The following ARHGEF26 variants were observed in gnomAD, a reference collection of about 807,000 sequenced individuals.
ARHGEF26 encodes the protein Rho guanine nucleotide exchange factor (GEF) 26.
ARHGEF26 carries 59 observed loss-of-function variants against 89.4 expected under a neutral mutation model. The observed-to-expected ratio is 0.66, with a 90% CI of 0.54 to 0.82. ARHGEF26 has a LOEUF of 0.82. Among genes scored for constraint, ARHGEF26 ranks in the 40% least tolerant of loss-of-function variants. The pLI is 0.00. For synonymous variants in ARHGEF26, 500 were observed against 428.4 expected, an observed-to-expected ratio of 1.17 and a Z score of -2.06; for missense variants, 1,234 against 1,085.6, an observed-to-expected ratio of 1.14 and a Z score of -1.92.
chr3:154,231,003 A>G (rs1316562299), intron 11 of ARHGEF26, among the ~76,000 whole-genome samples: 1 of 152,168 alleles, frequency 6.6e-6, no homozygotes, highest in Non-Finnish European at 1.5e-5. Flanking sequence ...TTCCTATTAT[A>G]GAAAGCTGAA....
chr3:154,177,152 T>C (rs1395054095), intron 6 of ARHGEF26, among the ~76,000 whole-genome samples: 6 of 152,192 alleles, frequency 3.9e-5, no homozygotes, highest in Non-Finnish European at 8.8e-5. Flanking sequence ...GATTTAAGAA[T>C]ATACATGCTA....
chr3:154,185,102 G>A (rs1247137851), intron 6 of ARHGEF26, among the ~76,000 whole-genome samples: 2 of 152,094 alleles, frequency 1.3e-5, no homozygotes, highest in Admixed American at 1.3e-4. Flanking sequence ...CTGCCCTCTG[G>A]AGTTTTCTTT....
chr3:154,191,522 T>G (rs1559888588), intron 8 of ARHGEF26, 104 bp downstream of exon 8: 2 of 1,357,934 alleles, frequency 1.5e-6, no homozygotes, highest in Non-Finnish European at 2.0e-6. Context: ...TATTTAAAGG[T>G]CTAAAAATCC....
intron 3 of ARHGEF26, among the ~76,000 whole-genome samples, chr3:154,128,804 C>A (rs1560040378): frequency 6.6e-6 from 1 of 152,156 alleles, no homozygotes; most frequent in Non-Finnish European, 1.5e-5. Flanking sequence ...CCAGTGAGGC[C>A]TTCCTAAACT....
chr3:154,162,115 T>C (rs1711702428), intron 6 of ARHGEF26, among the ~76,000 whole-genome samples: 1 of 152,176 alleles, frequency 6.6e-6, no homozygotes, highest in South Asian at 2.1e-4. Flanking sequence ...AAAGAAACAA[T>C]GACTGGGGTT....
At chr3:154,141,786 G>A (rs1036421869) in intron 4 of ARHGEF26, among the ~76,000 whole-genome samples, 2 of 152,090 alleles carry the variant, frequency 1.3e-5, no homozygotes, top group South Asian at 2.1e-4. Flanking sequence ...GTGTACTATA[G>A]TATTTTTAAT....
chr3:154,225,740 A>G (rs905304859), intron 10 of ARHGEF26, 116 bp from the exon 11 acceptor site: 65 of 1,117,004 alleles, frequency 5.8e-5, no homozygotes, highest in South Asian at 3.3e-4. Flanking sequence ...CTATAAAACA[A>G]TGATGCATAC....
chr3:154,214,908 A>G (rs1465430309), intron 9 of ARHGEF26, among the ~76,000 whole-genome samples: 3 of 152,232 alleles, frequency 2.0e-5, no homozygotes, highest in African/African-American at 7.2e-5. Flanking sequence ...AGCTAAAGAT[A>G]TGCTGTCATT....
At chr3:154,190,501 C>G (rs1477360766) in intron 7 of ARHGEF26, among the ~76,000 whole-genome samples, 1 of 152,054 alleles carries the variant, frequency 6.6e-6, no homozygotes. Context: ...GAGCAAGACT[C>G]CATCTCAAAA....
intron 10 of ARHGEF26, among the ~76,000 whole-genome samples, chr3:154,225,482 A>G (rs1263657111): frequency 6.6e-6 from 1 of 152,150 alleles, no homozygotes; most frequent in Non-Finnish European, 1.5e-5. Flanking sequence ...GATATTTAAA[A>G]TAACTAGTTG....
chr3:154,222,292 T>C (rs578059390), intron 10 of ARHGEF26, among the ~76,000 whole-genome samples: 9 of 152,214 alleles, frequency 5.9e-5, no homozygotes, highest in Non-Finnish European at 1.2e-4. Flanking sequence ...TTAATTTTGC[T>C]TATGATTTTC....
intron 11 of ARHGEF26, among the ~76,000 whole-genome samples, chr3:154,239,289 AGAGAGAGAGAGTGTGTGTGT>A (rs754900999): frequency 0.01 from 1,071 of 103,522 alleles, 5 homozygotes; most frequent in Non-Finnish European, 0.014. Flanking sequence ...AGAGAGAGAG[AGAGAGAGAGAGTGTGTGTGT>A]GTGTGTGTGT....
chr3:154,249,434 A>C (rs578129934), intron 12 of ARHGEF26, among the ~76,000 whole-genome samples: 1 of 152,254 alleles, frequency 6.6e-6, no homozygotes, highest in African/African-American at 2.4e-5. Context: ...CATGCCATGC[A>C]TGGAGAACTT....
At chr3:154,246,620 T>C (rs1026609450) in intron 12 of ARHGEF26, among the ~76,000 whole-genome samples, 1 of 152,184 alleles carries the variant, frequency 6.6e-6, no homozygotes, top group Non-Finnish European at 1.5e-5. Flanking sequence ...ACATAAGCCA[T>C]AGCAGGAAGT....
intron 9 of ARHGEF26, among the ~76,000 whole-genome samples, chr3:154,204,751 A>C (rs148131847): frequency 0.011 from 1,685 of 152,172 alleles, 23 homozygotes; most frequent in African/African-American, 0.038. Flanking sequence ...AGAAATTTTT[A>C]CATTTCCTTA....
At chr3:154,184,400 ATTCCAG>A (rs1398893572) in intron 6 of ARHGEF26, among the ~76,000 whole-genome samples, 5 of 152,238 alleles carry the variant, frequency 3.3e-5, no homozygotes, top group Admixed American at 2.0e-4. Flanking sequence ...AGTACCTAGA[ATTCCAG>A]TTCCTCTGAA....
At chr3:154,210,879 G>T (rs998545971) in intron 9 of ARHGEF26, among the ~76,000 whole-genome samples, 21 of 151,400 alleles carry the variant, frequency 1.4e-4, no homozygotes, top group Non-Finnish European at 2.1e-4. Flanking sequence ...GGAGGTGGAG[G>T]TTGCAGTGAG....
chr3:154,174,856 T>C (rs1712699726), intron 6 of ARHGEF26, among the ~76,000 whole-genome samples: 1 of 152,122 alleles, frequency 6.6e-6, no homozygotes, highest in Non-Finnish European at 1.5e-5. Flanking sequence ...TTAAGAAATT[T>C]GAGTTGGCTT....
At chr3:154,186,878 A>ACTT (rs1713585544) in intron 6 of ARHGEF26, among the ~76,000 whole-genome samples, 1 of 103,764 alleles carries the variant, frequency 9.6e-6, no homozygotes. Flanking sequence ...TGTTAGATTT[A>ACTT]TTTCAGACTT....
Sources: gnomAD v4.1 joint callset for allele counts (sites outside exome capture counted in the v4.1 genomes callset) on GRCh38, gnomAD v4.1.1 for gene constraint, MANE v1.5 for transcripts, NCBI Gene and HGNC (gene_info 2026-07-23, HGNC 2026-07-21) for gene names.